Variants in BCAS3 observed in about 807,000 individuals in gnomAD.
The protein encoded by BCAS3 is BCAS3 microtubule associated cell migration factor, also known as BCAS4/BCAS3 fusion.
BCAS3 carries 53 observed loss-of-function variants against 116.1 expected under a neutral mutation model. That is an observed-to-expected ratio of 0.46 (90% CI 0.37 to 0.57). BCAS3 has a LOEUF of 0.57. Ranked by LOEUF, BCAS3 falls within the 20% of genes least tolerant of loss-of-function variation. The probability of loss-of-function intolerance (pLI) is 0.00; values close to 1 mark genes in which losing one functional copy is unlikely to be tolerated. For missense variants in BCAS3, 917 were observed against 1,165.4 expected, an observed-to-expected ratio of 0.79 and a Z score of 3.10; for synonymous variants, 391 against 408.2, an observed-to-expected ratio of 0.96 and a Z score of 0.51.
chr17:61,238,151 C>G (rs2083208064), intron 22 of BCAS3, among the ~76,000 whole-genome samples: 1 of 152,014 alleles, frequency 6.6e-6, no homozygotes, highest in Non-Finnish European at 1.5e-5. Context: ...CTCCTGGGTT[C>G]AAGCGATTTT....
chr17:61,294,618 T>C (rs1181034511), intron 22 of BCAS3, among the ~76,000 whole-genome samples: 1 of 152,186 alleles, frequency 6.6e-6, no homozygotes, highest in Non-Finnish European at 1.5e-5. Flanking sequence ...CATAGTTGAG[T>C]CTCAGGCCCA....
intron 22 of BCAS3, among the ~76,000 whole-genome samples, chr17:61,334,426 G>T (rs923636572): frequency 2.0e-5 from 3 of 152,140 alleles, no homozygotes; most frequent in Non-Finnish European, 4.4e-5. Flanking sequence ...CAGCACTTTG[G>T]GGGGCCAAGA....
intron 6 of BCAS3, among the ~76,000 whole-genome samples, chr17:60,774,017 A>C (rs2045024059): frequency 6.6e-6 from 1 of 152,116 alleles, no homozygotes; most frequent in Non-Finnish European, 1.5e-5. Context: ...AATATCTTCT[A>C]CCTATGGCTT....
intron 7 of BCAS3, chr17:60,811,090 G>T: frequency 1.6e-6 from 1 of 631,290 alleles, no homozygotes; most frequent in South Asian, 1.5e-5. Flanking sequence ...CTTGGATATT[G>T]ACCTGGACTG....
intron 20 of BCAS3, among the ~76,000 whole-genome samples, chr17:61,076,811 A>G (rs1194507677): frequency 2.6e-5 from 4 of 152,184 alleles, no homozygotes; most frequent in Non-Finnish European, 5.9e-5. Flanking sequence ...GCTGAATACA[A>G]CTACTTGAAT....
At chr17:60,868,345 G>A (rs2054811414) in intron 7 of BCAS3, among the ~76,000 whole-genome samples, 1 of 151,948 alleles carries the variant, frequency 6.6e-6, no homozygotes, top group Admixed American at 6.6e-5. Flanking sequence ...TTTTTCTTCT[G>A]TGTAGTACTA....
intron 8 of BCAS3, among the ~76,000 whole-genome samples, chr17:60,871,050 T>C (rs980433710): frequency 6.6e-6 from 1 of 152,248 alleles, no homozygotes; most frequent in African/African-American, 2.4e-5. Flanking sequence ...CAGTCATTTG[T>C]CCATTAAGTC....
chr17:61,194,740 CAAAAAAA>C (rs35551914), intron 22 of BCAS3, among the ~76,000 whole-genome samples: 37 of 122,886 alleles, frequency 3.0e-4, no homozygotes, highest in African/African-American at 1.2e-3. Context: ...GACTCTGTCT[CAAAAAAA>C]AAAAAAAAAA....
chr17:60,679,313 A>G (rs1258123040), intron 1 of BCAS3, 140 bp from the exon 2 acceptor site: 2 of 591,578 alleles, frequency 3.4e-6, no homozygotes, highest in African/African-American at 3.7e-5. Context: ...CTGGTGTAAC[A>G]GGAATTTCTG....
rs1225913236 is a variant in BCAS3 at position 61,144,466 on chromosome 17, C to T, written c.2425+59902C>T. On this transcript the variant is annotated intron_variant, in intron 22 of 23. Transcript: ENST00000407086. The surrounding 1 kb of genome is among the most constrained non-coding windows in gnomAD (Gnocchi z 5.0). Reference sequence around the variant, plus strand: ...AATGAAGTGTCCCTCCAAGCATTCTCTATCTTCTGGTAATGCAAAAGTGTT... The same window carrying T: ...AATGAAGTGTCCCTCCAAGCATTCTTTATCTTCTGGTAATGCAAAAGTGTT... Among the ~76,000 whole-genome samples, 1 of 152,236 alleles carries T rather than the reference C, an allele frequency of 6.6e-6. No individual in the cohort carries two copies. Among genetic ancestry groups the T allele is most frequent in the African/African-American group, 2.4e-5 (1 of 41,460 alleles).
chr17:60,902,997 A>G (rs2057994187), intron 11 of BCAS3, among the ~76,000 whole-genome samples: 1 of 152,200 alleles, frequency 6.6e-6, no homozygotes, highest in Non-Finnish European at 1.5e-5. Context: ...CATGAAAAGA[A>G]TATTATTCCC....
At chr17:60,818,576 G>T (rs2049646190) in intron 7 of BCAS3, among the ~76,000 whole-genome samples, 1 of 152,146 alleles carries the variant, frequency 6.6e-6, no homozygotes, top group South Asian at 2.1e-4. Context: ...TTTGTCAGTT[G>T]TGTTTGCGAG....
intron 19 of BCAS3, among the ~76,000 whole-genome samples, chr17:61,054,819 A>G (rs1411134040): frequency 6.6e-6 from 1 of 152,096 alleles, no homozygotes; most frequent in Non-Finnish European, 1.5e-5. Flanking sequence ...ATGACTTGCT[A>G]TTTTTCAGAT....
At position 61,258,330 on chromosome 17, in the gene BCAS3, G is replaced by T. The variant is rs1055641091; in HGVS notation, c.2426-109997G>T. 6.6e-6 allele frequency among the ~76,000 whole-genome samples: 1 copy of T among 152,060 alleles called. No homozygotes were observed. Among genetic ancestry groups the T allele is most frequent in the Non-Finnish European group, 1.5e-5 (1 of 68,014 alleles). On this transcript the variant is annotated intron_variant, in intron 22 of 23. Coordinates refer to ENST00000407086, the MANE Select transcript of BCAS3 (RefSeq NM_017679.5). The surrounding 1 kb of genome is among the most constrained non-coding windows in gnomAD (Gnocchi z 4.7). ...CATTGTGGAAAGGGGTTGTTACTTC[G>T]TGCCTTTAGATATCCACCATAATGT... is the stretch of plus-strand genomic sequence containing the variant.
chr17:61,297,546 C>G (rs1223622947), intron 22 of BCAS3, among the ~76,000 whole-genome samples: 2 of 152,028 alleles, frequency 1.3e-5, no homozygotes. Context: ...AGCAAATTAA[C>G]AAATGATTAA....
chr17:60,829,216 C>T (rs971143440), intron 7 of BCAS3, among the ~76,000 whole-genome samples: 7 of 151,844 alleles, frequency 4.6e-5, no homozygotes, highest in African/African-American at 1.5e-4. Context: ...AGTAGAGGGT[C>T]GGGTGTGGTG....
chr17:60,677,913 C>T lies in BCAS3; in HGVS notation c.-7C>T, dbSNP rs1011118415. 6.5e-6 allele frequency: 1 copy of T among 153,676 alleles called. No individual in the cohort carries two copies. Among genetic ancestry groups the T allele is most frequent in the Non-Finnish European group, 1.5e-5 (1 of 68,734 alleles). The allele number at this position is 153,676 out of a possible 1,614,324, so 9.5% of individuals were successfully genotyped here. A position where few individuals can be genotyped will look rare whatever the true frequency, so the allele number is the denominator to read the frequency against. On this transcript the variant is annotated splice_region_variant and 5_prime_UTR_variant, in exon 1 of 24. Coordinates refer to ENST00000407086, the MANE Select transcript of BCAS3 (RefSeq NM_017679.5). The stretch of plus-strand genomic sequence containing the variant: ...GACTAGCGTTAACCGGCGGGGCGGC[C>T]GGTGAGAGGGCTGGCAGGGCTTTGG...
intron 22 of BCAS3, among the ~76,000 whole-genome samples, chr17:61,176,138 C>CAAAAAAAAAAAAAAAAAAAAAAA (rs534042215): frequency 4.0e-5 from 2 of 50,044 alleles, no homozygotes; most frequent in African/African-American, 6.6e-5. Context: ...GACCCTATCT[C>CAAAAAAAAAAAAAAAAAAAAAAA]AAAAAAAAAA....
intron 22 of BCAS3, among the ~76,000 whole-genome samples, chr17:61,146,125 T>TC (rs1289554528): frequency 6.6e-6 from 1 of 151,462 alleles, no homozygotes. Flanking sequence ...TTTTTTTTTT[T>TC]TGAGACAGTT....
Sources: allele counts gnomAD v4.1 joint callset (sites outside exome capture counted in the v4.1 genomes callset), GRCh38; gene constraint gnomAD v4.1.1; non-coding constraint Gnocchi (gnomAD v3.1); transcripts MANE v1.5; gene names NCBI Gene and HGNC (gene_info 2026-07-23, HGNC 2026-07-21).